Variants in FRMD4A observed in about 807,000 individuals in gnomAD.
FRMD4A encodes FERM domain containing 4A.
Under a neutral mutation model 129.1 loss-of-function variants are expected in FRMD4A, and 29 were observed. The observed-to-expected ratio is 0.22, with a 90% CI of 0.17 to 0.31. FRMD4A has a LOEUF of 0.31. Among genes scored for constraint, FRMD4A ranks in the 10% least tolerant of loss-of-function variants. FRMD4A has a pLI of 1.00. For synonymous variants in FRMD4A, 634 were observed against 571.6 expected (o/e 1.11, Z -1.56); for missense variants, 1,272 against 1,375.8 (o/e 0.92, Z 1.19).
intron 2 of FRMD4A, among the ~76,000 whole-genome samples, chr10:14,222,195 G>T (rs1474600248): frequency 6.6e-6 from 1 of 152,176 alleles, no homozygotes; most frequent in Non-Finnish European, 1.5e-5. Flanking sequence ...TATTCTTTGT[G>T]CATATAAATC....
At chr10:14,087,795 C>G (rs7917001) in intron 2 of FRMD4A, among the ~76,000 whole-genome samples, 2 of 152,110 alleles carry the variant, frequency 1.3e-5, no homozygotes, top group African/African-American at 4.8e-5. Context: ...GTCGGCAGCA[C>G]GGATTTCAGA....
rs181263558 is a variant in FRMD4A at position 13,934,786 on chromosome 10, G to A, written c.46-75874C>T. On this transcript the variant is annotated intron_variant, in intron 2 of 24. Transcript: ENST00000357447. ...TTACCTAGTAAAAAATTCAATATCA[G>A]GTTATGAAGAGAACCATGTGTTGCA... 1.2e-3 allele frequency among the ~76,000 whole-genome samples: 188 copies of A among 152,246 alleles called. 1 individual carries two copies. Among genetic ancestry groups the A allele is most frequent in the African/African-American group, 4.4e-3 (182 of 41,536 alleles).
intron 13 of FRMD4A, among the ~76,000 whole-genome samples, chr10:13,703,954 G>A (rs1471095097): frequency 1.3e-5 from 2 of 152,114 alleles, no homozygotes. Flanking sequence ...GCAGTGAGCC[G>A]AGATGGCGCC....
chr10:14,028,290 T>C (rs929300492), intron 2 of FRMD4A, among the ~76,000 whole-genome samples: 3 of 152,188 alleles, frequency 2.0e-5, no homozygotes, highest in Non-Finnish European at 4.4e-5. Context: ...GATTAAGATA[T>C]TGTTTCTTCT....
chr10:13,875,812 A>G (rs902540586), intron 2 of FRMD4A, among the ~76,000 whole-genome samples: 3 of 152,206 alleles, frequency 2.0e-5, no homozygotes, highest in African/African-American at 4.8e-5. Flanking sequence ...TGGCCATACC[A>G]GATACTTGTG....
chr10:13,866,189 GC>G, intron 2 of FRMD4A: 1 of 360,942 alleles, frequency 2.8e-6, no homozygotes, highest in East Asian at 1.6e-4. Flanking sequence ...CACCTGAAAT[GC>G]TATCCTTTAA....
intron 3 of FRMD4A, among the ~76,000 whole-genome samples, chr10:13,856,760 A>G (rs1490201795): frequency 6.6e-6 from 1 of 152,184 alleles, no homozygotes; most frequent in African/African-American, 2.4e-5. Flanking sequence ...GTTGAGGACA[A>G]CTGTTCCCAA....
chr10:13,721,547 A>G (rs1379159110), intron 12 of FRMD4A, among the ~76,000 whole-genome samples: 1 of 152,098 alleles, frequency 6.6e-6, no homozygotes, highest in African/African-American at 2.4e-5. Flanking sequence ...AAAACAGAGG[A>G]TCCCTAATTT....
At chr10:13,790,414 G>A (rs778549706) in intron 5 of FRMD4A, among the ~76,000 whole-genome samples, 1 of 152,212 alleles carries the variant, frequency 6.6e-6, no homozygotes, top group African/African-American at 2.4e-5. Context: ...AGTGGCAGCT[G>A]TGGATGGGGG....
chr10:14,008,008 T>A, intron 2 of FRMD4A: 1 of 1,287,802 alleles, frequency 7.8e-7, no homozygotes, highest in South Asian at 1.2e-5. Flanking sequence ...AAAACAAACA[T>A]CTTCCTGTCT....
At chr10:13,882,649 A>G (rs2610806) in intron 2 of FRMD4A, among the ~76,000 whole-genome samples, 146,264 of 152,194 alleles carry the variant, frequency 0.96, 70,395 homozygotes, top group Non-Finnish European at 0.99. Context: ...AAGGCACAGG[A>G]CAGATGCCAT....
At chr10:13,704,226 C>T (rs1332629108) in intron 13 of FRMD4A, among the ~76,000 whole-genome samples, 2 of 152,202 alleles carry the variant, frequency 1.3e-5, no homozygotes, top group Non-Finnish European at 2.9e-5. Flanking sequence ...CTGGCTCTGC[C>T]ATGCTAAATA....
intron 2 of FRMD4A, among the ~76,000 whole-genome samples, chr10:14,281,454 T>A (rs1272557771): frequency 6.6e-6 from 1 of 152,238 alleles, no homozygotes; most frequent in Non-Finnish European, 1.5e-5. Context: ...ACCCTGCTGA[T>A]AACATTGATC....
At chr10:14,246,902 G>A (rs987540687) in intron 2 of FRMD4A, among the ~76,000 whole-genome samples, 5 of 152,144 alleles carry the variant, frequency 3.3e-5, no homozygotes, top group African/African-American at 1.2e-4. Flanking sequence ...CAGGGACCCA[G>A]GCAAGGAAGG....
At chr10:14,022,060 T>C (rs1206623634) in intron 2 of FRMD4A, among the ~76,000 whole-genome samples, 1 of 152,192 alleles carries the variant, frequency 6.6e-6, no homozygotes, top group Non-Finnish European at 1.5e-5. Flanking sequence ...GGTCCTTGTA[T>C]ACAATATTCT....
chr10:13,855,157 C>T (rs573324796), intron 3 of FRMD4A, among the ~76,000 whole-genome samples: 10 of 152,136 alleles, frequency 6.6e-5, no homozygotes, highest in South Asian at 4.2e-4. Flanking sequence ...GGATGACAGG[C>T]ATTTTTTCTC....
chr10:14,261,306 G>A (rs1413239522), intron 2 of FRMD4A, among the ~76,000 whole-genome samples: 1 of 152,106 alleles, frequency 6.6e-6, no homozygotes, highest in Non-Finnish European at 1.5e-5. Context: ...ATACATGATG[G>A]GTTAAATAGC....
At position 13,821,737 on chromosome 10, in the gene FRMD4A, C is replaced by T. The variant is rs935548302; in HGVS notation, c.112-10829G>A. ...GCGAATCAGTGGGAGAACTGAACCGCGGCACACAGGTGGGCATGGGTCACC... is the reference window on the plus strand; with the variant it reads ...GCGAATCAGTGGGAGAACTGAACCGTGGCACACAGGTGGGCATGGGTCACC... On this transcript the variant is annotated intron_variant, in intron 3 of 24. Coordinates refer to ENST00000357447, the MANE Select transcript of FRMD4A (RefSeq NM_018027.5). The surrounding 1 kb of genome is among the most constrained non-coding windows in gnomAD (Gnocchi z 4.3). Among the ~76,000 whole-genome samples, 3 of 152,086 alleles carry T rather than the reference C, an allele frequency of 2.0e-5. No homozygotes were observed. Among genetic ancestry groups the T allele is most frequent in the Admixed American group, 6.5e-5 (1 of 15,274 alleles).
At chr10:13,876,981 A>T (rs551057986) in intron 2 of FRMD4A, among the ~76,000 whole-genome samples, 97 of 152,300 alleles carry the variant, frequency 6.4e-4, no homozygotes, top group Middle Eastern at 3.4e-3. Context: ...ATTATTTGTC[A>T]TTCACATACC....
Sources: allele counts gnomAD v4.1 joint callset (sites outside exome capture counted in the v4.1 genomes callset), GRCh38; gene constraint gnomAD v4.1.1; non-coding constraint Gnocchi (gnomAD v3.1); transcripts MANE v1.5; gene names NCBI Gene and HGNC (gene_info 2026-07-23, HGNC 2026-07-21).